The following BMPER variants were observed in gnomAD, a reference collection of about 807,000 sequenced individuals.
The protein encoded by BMPER is BMP binding endothelial regulator.
Under a neutral mutation model 87.3 loss-of-function variants are expected in BMPER, and 45 were observed. The observed-to-expected ratio is 0.52, with a 90% CI of 0.41 to 0.66. BMPER has a LOEUF of 0.66. BMPER is among the 30% of genes least tolerant of loss of function. The pLI is 0.00. For synonymous variants in BMPER, 326 were observed against 316.2 expected (o/e 1.03, Z -0.33); for missense variants, 784 against 867.5 (o/e 0.90, Z 1.21).
At chr7:34,085,696 T>A in intron 12 of BMPER, 60 bp from the exon 13 acceptor site, 1 of 1,430,818 alleles carries the variant, frequency 7.0e-7, no homozygotes, top group South Asian at 1.2e-5. Flanking sequence ...ATGTATACAT[T>A]TGGGAATTAT....
At chr7:34,060,612 A>G (rs781196478) in intron 10 of BMPER, among the ~76,000 whole-genome samples, 7 of 152,236 alleles carry the variant, frequency 4.6e-5, no homozygotes, top group Non-Finnish European at 8.8e-5. Flanking sequence ...AAGATCTTCA[A>G]TAATTAACCA....
intron 5 of BMPER, 73 bp from the exon 6 acceptor site, chr7:33,974,629 T>C (rs1785636908): frequency 1.2e-5 from 18 of 1,442,286 alleles, no homozygotes; most frequent in Admixed American, 3.3e-5. Flanking sequence ...GGATGAACTG[T>C]GGATAGAAGG....
At chr7:33,989,937 G>T (rs373619766) in intron 6 of BMPER, among the ~76,000 whole-genome samples, 1 of 152,038 alleles carries the variant, frequency 6.6e-6, no homozygotes, top group African/African-American at 2.4e-5. Context: ...GATATGCGGC[G>T]TTATTTCTGA....
intron 2 of BMPER, among the ~76,000 whole-genome samples, chr7:33,914,110 C>G (rs2128602498): frequency 1.3e-5 from 2 of 151,920 alleles, no homozygotes; most frequent in Middle Eastern, 6.8e-3. Context: ...CTACAGGCGC[C>G]CGCCACTATG....
chr7:33,987,274 T>G (rs2127922201), intron 6 of BMPER, among the ~76,000 whole-genome samples: 1 of 152,260 alleles, frequency 6.6e-6, no homozygotes, highest in East Asian at 1.9e-4. Flanking sequence ...TTACCACCAT[T>G]CCCTCAGAGT....
intron 10 of BMPER, among the ~76,000 whole-genome samples, chr7:34,060,798 G>A (rs1406318274): frequency 2.0e-5 from 3 of 152,196 alleles, no homozygotes; most frequent in Non-Finnish European, 4.4e-5. Flanking sequence ...AGGGGATAAG[G>A]ACAACTGCAT....
chr7:33,955,099 G>T (rs2128614435), intron 3 of BMPER, among the ~76,000 whole-genome samples: 1 of 152,280 alleles, frequency 6.6e-6, no homozygotes, highest in South Asian at 2.1e-4. Flanking sequence ...GTTTCTCCAT[G>T]TTGGTCAGGC....
At chr7:34,065,724 T>C (rs904845010) in intron 11 of BMPER, among the ~76,000 whole-genome samples, 1 of 152,228 alleles carries the variant, frequency 6.6e-6, no homozygotes, top group Non-Finnish European at 1.5e-5. Flanking sequence ...TATCTTTGCT[T>C]TTGTTGCTAG....
chr7:33,932,688 A>C (rs1340162887), intron 2 of BMPER, among the ~76,000 whole-genome samples: 1 of 152,182 alleles, frequency 6.6e-6, no homozygotes, highest in Non-Finnish European at 1.5e-5. Context: ...TACCCTCATC[A>C]TATTAGCTGC....
chr7:33,920,678 C>T (rs1379959667), intron 2 of BMPER, among the ~76,000 whole-genome samples: 1 of 151,570 alleles, frequency 6.6e-6, no homozygotes, highest in East Asian at 1.9e-4. Flanking sequence ...TCCACCTTGG[C>T]CCCCCCAAAG....
In BMPER at chr7:33,937,304, T is replaced by C. The variant is rs1248748346; in HGVS notation, c.235T>C (p.Cys79Arg). The C allele has an allele frequency of 3.7e-6, 6 of 1,614,100 alleles. No homozygotes were observed. Among genetic ancestry groups the C allele is most frequent in the Non-Finnish European group, 5.1e-6 (6 of 1,179,948 alleles). Residue 79 changes from cysteine (C) to arginine (R), a missense_variant, in exon 3 of 15, where the codon TGT becomes CGT. Physicochemically the swap from Cys to Arg is radical, Grantham distance 180 (BLOSUM62 -3). Transcript: ENST00000649409. ...TTTTGTCTAGAACAAGGAAGTGACA[T>C]GTAAGAGAGAGAAGTGCCCCGTGCT... ...MCVCLNKEVT[C>R]KREKCPVLSR...
chr7:34,001,666 C>T (rs1178799839), intron 6 of BMPER, among the ~76,000 whole-genome samples: 3 of 150,426 alleles, frequency 2.0e-5, no homozygotes, highest in African/African-American at 7.3e-5. Flanking sequence ...TTTCTATTCT[C>T]GATTTCACAT....
chr7:34,035,077 G>A (rs1787628412), intron 6 of BMPER, among the ~76,000 whole-genome samples: 1 of 152,166 alleles, frequency 6.6e-6, no homozygotes. Flanking sequence ...AGATTGGGTT[G>A]CAGCCTGTCT....
intron 14 of BMPER, among the ~76,000 whole-genome samples, chr7:34,148,028 G>T (rs530519036): frequency 1.3e-5 from 2 of 152,224 alleles, no homozygotes; most frequent in African/African-American, 2.4e-5. Context: ...GCCAAGGCTT[G>T]TGGGGTCATT....
intron 13 of BMPER, among the ~76,000 whole-genome samples, chr7:34,097,617 G>C (rs1789564120): frequency 6.6e-6 from 1 of 152,102 alleles, no homozygotes; most frequent in Non-Finnish European, 1.5e-5. Flanking sequence ...GGGTCTAGGT[G>C]GGGCTTGAAA....
chr7:34,145,553 T>G (rs1173812546), intron 14 of BMPER, among the ~76,000 whole-genome samples: 1 of 152,238 alleles, frequency 6.6e-6, no homozygotes, highest in Non-Finnish European at 1.5e-5. Flanking sequence ...GGTGAGGTTT[T>G]TGAAGAACTG....
At chr7:34,150,684 A>G (rs1791151261) in intron 14 of BMPER, among the ~76,000 whole-genome samples, 1 of 152,150 alleles carries the variant, frequency 6.6e-6, no homozygotes, top group South Asian at 2.1e-4. Context: ...AAATTGAGAG[A>G]CTTAAAGGAA....
At chr7:33,908,283 A>C (rs1783871473) in intron 2 of BMPER, among the ~76,000 whole-genome samples, 1 of 152,172 alleles carries the variant, frequency 6.6e-6, no homozygotes, top group Admixed American at 6.5e-5. Context: ...TTAAGATTTC[A>C]GAGGAAATTA....
chr7:33,998,592 A>G (rs1457659606), intron 6 of BMPER, among the ~76,000 whole-genome samples: 1 of 152,186 alleles, frequency 6.6e-6, no homozygotes, highest in African/African-American at 2.4e-5. Flanking sequence ...ACAAATCCAC[A>G]AACACTTCAA....
Sources: allele counts gnomAD v4.1 joint callset (sites outside exome capture counted in the v4.1 genomes callset), GRCh38; gene constraint gnomAD v4.1.1; transcripts MANE v1.5; gene names NCBI Gene and HGNC (gene_info 2026-07-23, HGNC 2026-07-21).